Variants in MYL4 observed in about 807,000 individuals in gnomAD.
MYL4 encodes the protein myosin light chain 4.
A neutral mutation model predicts 21.6 loss-of-function variants in MYL4; 16 were observed. The observed-to-expected ratio is 0.74, with a 90% CI of 0.50 to 1.12. MYL4 has a LOEUF of 1.12. Among genes scored for constraint, MYL4 ranks in the 50% most tolerant of loss-of-function variants. The pLI is 0.00. For synonymous variants in MYL4, 82 were observed against 95.7 expected (o/e 0.86, Z 0.83); for missense variants, 249 against 252.9 (o/e 0.98, Z 0.11).
downstream of MYL4, among the ~76,000 whole-genome samples, chr17:47,225,542 G>A (rs1040833635): frequency 4.6e-5 from 7 of 152,168 alleles, no homozygotes; most frequent in African/African-American, 7.2e-5. Context: ...CCAGTTCACC[G>A]ATTAGTCAGA....
chr17:47,191,660 G>A, the MYL4 span, among the ~76,000 whole-genome samples: 31 of 152,168 alleles, frequency 2.0e-4, no homozygotes, highest in Non-Finnish European at 4.3e-4. Context: ...TAGTAGAGAC[G>A]GGGTTTCACC....
At chr17:47,204,867 A>G (rs2064721966), upstream of MYL4, among the ~76,000 whole-genome samples, 1 of 152,194 alleles carries the variant, frequency 6.6e-6, no homozygotes, top group African/African-American at 2.4e-5. Context: ...CGATTGACAA[A>G]GTGTTGGCCA....
chr17:47,213,260 A>C (rs1292528264), intron 1 of MYL4, among the ~76,000 whole-genome samples: 1 of 152,234 alleles, frequency 6.6e-6, no homozygotes, highest in African/African-American at 2.4e-5. Context: ...ACCTGGAGCC[A>C]TCACTTAATA....
chr17:47,210,630 T>G (rs2149041583), intron 1 of MYL4, among the ~76,000 whole-genome samples: 2 of 152,102 alleles, frequency 1.3e-5, no homozygotes, highest in South Asian at 4.2e-4. Flanking sequence ...AACCCAGAGC[T>G]CTAATTGTAT....
intron 2 of MYL4, among the ~76,000 whole-genome samples, chr17:47,218,522 C>G (rs2064831666): frequency 6.6e-6 from 1 of 152,120 alleles, no homozygotes; most frequent in African/African-American, 2.4e-5. Context: ...TATGATGGCT[C>G]ACACCTGTCA....
upstream of MYL4, among the ~76,000 whole-genome samples, chr17:47,199,130 A>G (rs1232969255): frequency 1.3e-5 from 2 of 151,870 alleles, no homozygotes; most frequent in East Asian, 1.9e-4. Flanking sequence ...AGTCCCAGCT[A>G]CTTGGGAGGC....
chr17:47,216,057 G>T (rs2064811221), intron 2 of MYL4, among the ~76,000 whole-genome samples: 1 of 150,410 alleles, frequency 6.6e-6, no homozygotes, highest in Non-Finnish European at 1.5e-5. Context: ...GGGATTATAG[G>T]CATTAAGTCA....
chr17:47,192,885 G>T, the MYL4 span, among the ~76,000 whole-genome samples: 2 of 152,024 alleles, frequency 1.3e-5, no homozygotes, highest in Non-Finnish European at 2.9e-5. Context: ...AGTGGAGTTG[G>T]GTTACAACAG....
At chr17:47,215,780 TATTTTATTTTATC>T (rs958035101) in intron 2 of MYL4, among the ~76,000 whole-genome samples, 30 of 152,304 alleles carry the variant, frequency 2.0e-4, no homozygotes, top group African/African-American at 6.5e-4. Flanking sequence ...CAATTTATTT[TATTTTATTTTATC>T]ATTTTATTTT....
At chr17:47,193,698 C>CCTTT in the MYL4 span, among the ~76,000 whole-genome samples, 73 of 151,904 alleles carry the variant, frequency 4.8e-4, 1 homozygote, top group South Asian at 1.5e-3. Context: ...GCAAAACTAT[C>CCTTT]CTTTCTTTCT....
upstream of MYL4, among the ~76,000 whole-genome samples, chr17:47,197,256 G>A (rs1380555071): frequency 1.3e-5 from 2 of 151,858 alleles, no homozygotes; most frequent in Non-Finnish European, 2.9e-5. Flanking sequence ...CCGCCACCAC[G>A]CCTGGCTAAT....
intron 4 of MYL4, 82 bp downstream of exon 4, chr17:47,221,937 T>TG (rs879248251): frequency 3.4e-5 from 50 of 1,472,624 alleles, no homozygotes; most frequent in Non-Finnish European, 4.5e-5. Flanking sequence ...GCTGGTTGGG[T>TG]GGGGGGTGGT....
At chr17:47,194,463 T>A in the MYL4 span, among the ~76,000 whole-genome samples, 1 of 152,228 alleles carries the variant, frequency 6.6e-6, no homozygotes, top group Admixed American at 6.5e-5. Flanking sequence ...TTCAAGTGTA[T>A]ATTATTCTCA....
downstream of MYL4, chr17:47,223,774 A>C (rs2064874958): frequency 6.6e-6 from 1 of 152,114 alleles, no homozygotes; most frequent in Admixed American, 6.5e-5. Flanking sequence ...AGATAAAGTC[A>C]CCTGAGGCCT....
chr17:47,207,795 G>A (rs1056182360), upstream of MYL4, among the ~76,000 whole-genome samples: 1 of 151,980 alleles, frequency 6.6e-6, no homozygotes, highest in African/African-American at 2.4e-5. Flanking sequence ...GTAAATGCTC[G>A]TTATAAAAAT....
Position 47,219,965 on chromosome 17 carries a change from C to A in MYL4, c.225C>A (p.Tyr75Ter). 6.2e-7 allele frequency: 1 copy of A among 1,614,206 alleles called. No homozygotes were observed. The highest frequency in any genetic ancestry group is 8.5e-7 in the Non-Finnish European group (1 of 1,180,032). ...RTPTGEMKITYGQCGDVLRAL... is the reference protein window; with the variant it reads ...RTPTGEMKIT ...CGACTGGAGAGATGAAGATCACCTA[C>A]GGCCAGTGCGGGGATGTACTGCGGG... Residue 75 changes from tyrosine (Y) to a stop codon, truncating the protein, a stop_gained, in exon 3 of 7, where the codon TAC becomes TAA. Transcript: ENST00000393450. LOFTEE classifies it high-confidence loss of function.
upstream of MYL4, among the ~76,000 whole-genome samples, chr17:47,199,912 G>T (rs143906741): frequency 0.016 from 2,401 of 149,374 alleles, 52 homozygotes; most frequent in African/African-American, 0.056. Flanking sequence ...ATTTTTGTGG[G>T]TTTTTTTTTG....
chr17:47,217,845 C>T lies in MYL4; in HGVS notation c.164-2059C>T, dbSNP rs188973413. On this transcript the variant is annotated intron_variant, in intron 2 of 6. Transcript: ENST00000393450. Reference sequence around the variant, plus strand: ...GGTTGGGAGTTCGAGACCAGCCTGACCAACATGGAGAAACCCCGTCTCTAC... The same window carrying T: ...GGTTGGGAGTTCGAGACCAGCCTGATCAACATGGAGAAACCCCGTCTCTAC... Among the ~76,000 whole-genome samples, 44 of 152,162 alleles carry T rather than the reference C, an allele frequency of 2.9e-4. No homozygotes were observed. The East Asian group carries it at 8.3e-3, about 29-fold the overall frequency.
chr17:47,211,102 G>A (rs957152612), intron 1 of MYL4, among the ~76,000 whole-genome samples: 10 of 151,830 alleles, frequency 6.6e-5, no homozygotes, highest in African/African-American at 2.4e-4. Context: ...TGCACCCCTG[G>A]TTGCAATCCT....
Sources: allele counts gnomAD v4.1 joint callset (sites outside exome capture counted in the v4.1 genomes callset), GRCh38; gene constraint gnomAD v4.1.1; transcripts MANE v1.5; gene names NCBI Gene and HGNC (gene_info 2026-07-23, HGNC 2026-07-21).